ACOXL: variants seen among roughly 807,000 people sequenced by gnomAD.
ACOXL encodes acyl-coenzyme A oxidase-like protein.
In ACOXL, 70 loss-of-function variants were observed where a neutral mutation model predicts 71.9. That is an observed-to-expected ratio of 0.97 (90% CI 0.80 to 1.19). ACOXL has a LOEUF of 1.19. Among genes scored for constraint, ACOXL ranks in the 50% most tolerant of loss-of-function variants. ACOXL has a pLI of 0.00. For synonymous variants in ACOXL, 253 were observed against 281.6 expected (o/e 0.90, Z 1.02); for missense variants, 703 against 736.3 (o/e 0.95, Z 0.52).
chr2:110,923,071 A>T (rs922921), intron 11 of ACOXL, among the ~76,000 whole-genome samples: 23 of 152,144 alleles, frequency 1.5e-4, no homozygotes, highest in Non-Finnish European at 3.1e-4. Context: ...ACCCATGGAA[A>T]ATCTGGTCAT....
At chr2:110,766,471 T>G (rs1681080827) in intron 1 of ACOXL, among the ~76,000 whole-genome samples, 1 of 152,086 alleles carries the variant, frequency 6.6e-6, no homozygotes, top group African/African-American at 2.4e-5. Context: ...GATGGGGATG[T>G]GAGATCATCC....
intron 14 of ACOXL, among the ~76,000 whole-genome samples, chr2:110,998,762 C>T (rs1440397766): frequency 1.3e-5 from 2 of 152,174 alleles, no homozygotes; most frequent in Admixed American, 1.3e-4. Flanking sequence ...CCTTAAATCC[C>T]TCCAGCTCCC....
chr2:110,867,185 A>C (rs1000751558), intron 10 of ACOXL, among the ~76,000 whole-genome samples: 4 of 152,024 alleles, frequency 2.6e-5, no homozygotes, highest in African/African-American at 9.7e-5. Flanking sequence ...GGGATGAGGG[A>C]GGCAAGGAAG....
At chr2:110,840,175 G>A (rs1374326845) in intron 9 of ACOXL, among the ~76,000 whole-genome samples, 2 of 152,100 alleles carry the variant, frequency 1.3e-5, no homozygotes, top group Non-Finnish European at 2.9e-5. Context: ...TATTTTAGTA[G>A]AAATGGGGTT....
At chr2:111,073,603 A>AT (rs2067448385) in intron 16 of ACOXL, among the ~76,000 whole-genome samples, 1 of 152,114 alleles carries the variant, frequency 6.6e-6, no homozygotes, top group Non-Finnish European at 1.5e-5. Context: ...GGATTTTTAT[A>AT]TTTTGTTCCC....
intron 12 of ACOXL, among the ~76,000 whole-genome samples, chr2:110,977,780 T>C (rs1386347750): frequency 1.3e-5 from 2 of 152,206 alleles, no homozygotes; most frequent in Non-Finnish European, 2.9e-5. Flanking sequence ...TTTAATGTAG[T>C]TTTTCAAATT....
intron 10 of ACOXL, among the ~76,000 whole-genome samples, chr2:110,858,687 G>C (rs1418714879): frequency 6.6e-6 from 1 of 152,222 alleles, no homozygotes; most frequent in Non-Finnish European, 1.5e-5. Context: ...TCTGGGCTGC[G>C]TTGCAAACAC....
chr2:111,056,034 T>A (rs1445370996), intron 16 of ACOXL, among the ~76,000 whole-genome samples: 5 of 152,178 alleles, frequency 3.3e-5, no homozygotes, highest in Admixed American at 3.3e-4. Flanking sequence ...GTTTTTCTAG[T>A]ACCTGGCTCA....
At position 110,919,412 on chromosome 2, in the gene ACOXL, G is replaced by T. The variant is rs189044126; in HGVS notation, c.905+10507G>T. 4.7e-3 allele frequency among the ~76,000 whole-genome samples: 713 copies of T among 151,554 alleles called. 5 individuals carry two copies. Among genetic ancestry groups the T allele is most frequent in the African/African-American group, 0.017 (683 of 41,282 alleles). ...CACACACCGGGGCCTGTTAGGGGGT[G>T]GGGGGGCAAGGGGAGGGATAGCATT... On this transcript the variant is annotated intron_variant, in intron 11 of 17. Transcript: ENST00000439055.
intron 12 of ACOXL, among the ~76,000 whole-genome samples, chr2:110,976,499 T>C (rs1222949138): frequency 4.6e-5 from 7 of 152,222 alleles, no homozygotes; most frequent in African/African-American, 1.7e-4. Context: ...AAGACAGATA[T>C]TCAAATGCAC....
At chr2:110,886,664 C>T in intron 10 of ACOXL, 1 of 1,313,346 alleles carries the variant, frequency 7.6e-7, no homozygotes. Context: ...CAGGCTTGAG[C>T]CACTGCGTCT....
At chr2:111,085,896 C>T (rs1238958641) in intron 16 of ACOXL, among the ~76,000 whole-genome samples, 4 of 152,096 alleles carry the variant, frequency 2.6e-5, no homozygotes, top group Non-Finnish European at 4.4e-5. Flanking sequence ...ACCACCGACT[C>T]CACAGAAATA....
intron 10 of ACOXL, among the ~76,000 whole-genome samples, chr2:110,845,448 C>G (rs989968435): frequency 1.3e-5 from 2 of 152,176 alleles, no homozygotes; most frequent in African/African-American, 4.8e-5. Context: ...ACCCTAGCAC[C>G]ATTTTAACCA....
chr2:110,996,075 T>C, intron 14 of ACOXL, 71 bp downstream of exon 14: 3 of 1,316,588 alleles, frequency 2.3e-6, no homozygotes, highest in Non-Finnish European at 2.2e-6. Context: ...GTGAACTATC[T>C]GTTAAGTTTA....
At chr2:110,798,340 T>C (rs1685524046) in intron 5 of ACOXL, among the ~76,000 whole-genome samples, 1 of 150,722 alleles carries the variant, frequency 6.6e-6, no homozygotes, top group Admixed American at 6.7e-5. Flanking sequence ...CACTGCAAGC[T>C]CTGCCTCCCA....
chr2:110,991,217 C>G (rs2063157825), intron 13 of ACOXL, among the ~76,000 whole-genome samples: 2 of 152,190 alleles, frequency 1.3e-5, no homozygotes, highest in South Asian at 4.1e-4. Context: ...ACTATTCTAT[C>G]ATTACCTTTT....
At chr2:110,940,061 C>T (rs2060811282) in intron 12 of ACOXL, among the ~76,000 whole-genome samples, 1 of 152,210 alleles carries the variant, frequency 6.6e-6, no homozygotes, top group Admixed American at 6.5e-5. Context: ...CAAATCTTTA[C>T]AACCCAGTAT....
At chr2:110,854,978 G>A (rs1224251478) in intron 10 of ACOXL, among the ~76,000 whole-genome samples, 1 of 152,178 alleles carries the variant, frequency 6.6e-6, no homozygotes, top group Non-Finnish European at 1.5e-5. Context: ...TGAGAGAATT[G>A]ACCTACCCCA....
chr2:110,939,605 T>C (rs2060795171), intron 12 of ACOXL, among the ~76,000 whole-genome samples: 1 of 152,196 alleles, frequency 6.6e-6, no homozygotes, highest in East Asian at 1.9e-4. Flanking sequence ...TAGAAAACAT[T>C]CTAGTACCTT....
Sources: allele counts gnomAD v4.1 joint callset (sites outside exome capture counted in the v4.1 genomes callset), GRCh38; gene constraint gnomAD v4.1.1; transcripts MANE v1.5; gene names NCBI Gene and HGNC (gene_info 2026-07-23, HGNC 2026-07-21).